GRIK1: variants seen among roughly 807,000 people sequenced by gnomAD.
GRIK1 encodes glutamate ionotropic receptor kainate type subunit 1.
Under a neutral mutation model 105.7 loss-of-function variants are expected in GRIK1, and 69 were observed. The observed-to-expected ratio is 0.65, with a 90% CI of 0.54 to 0.80. GRIK1 has a LOEUF of 0.80. Ranked by LOEUF, GRIK1 falls within the 30% of genes least tolerant of loss-of-function variation. GRIK1 has a pLI of 0.00. For synonymous variants in GRIK1, 438 were observed against 431.3 expected, an observed-to-expected ratio of 1.02 and a Z score of -0.19; for missense variants, 1,109 against 1,167.3, an observed-to-expected ratio of 0.95 and a Z score of 0.73.
chr21:29,610,161 A>G (rs1383995924), intron 7 of GRIK1, among the ~76,000 whole-genome samples: 1 of 152,222 alleles, frequency 6.6e-6, no homozygotes, highest in African/African-American at 2.4e-5. Flanking sequence ...GGGCACTCAG[A>G]GAAATTCACC....
intron 1 of GRIK1, among the ~76,000 whole-genome samples, chr21:29,741,365 T>G (rs766285512): frequency 1.3e-5 from 2 of 152,204 alleles, no homozygotes; most frequent in African/African-American, 4.8e-5. Flanking sequence ...ACATTTTTTT[T>G]GTCACTGCAA....
intron 1 of GRIK1, among the ~76,000 whole-genome samples, chr21:29,769,309 AC>A (rs1412381593): frequency 2.0e-5 from 3 of 152,200 alleles, no homozygotes; most frequent in Non-Finnish European, 4.4e-5. Flanking sequence ...ACATTTTGAC[AC>A]AGAGACAGAC....
At position 29,696,879 on chromosome 21, in the gene GRIK1, C is replaced by T. The variant is rs552028926; in HGVS notation, c.119-2816G>A. Among the ~76,000 whole-genome samples, 13 of 152,300 alleles carry T rather than the reference C, an allele frequency of 8.5e-5. No homozygotes were observed. The South Asian group carries it at 2.5e-3, about 29-fold the overall frequency. On this transcript the variant is annotated intron_variant, in intron 1 of 17. Coordinates refer to ENST00000327783, the MANE Select transcript of GRIK1 (RefSeq NM_001330994.2). ...AAACAGAAATTCTGAATTTTGAAACCTGATCTACCTACTTCCTCTTTGAGA... is the reference window on the plus strand; with the variant it reads ...AAACAGAAATTCTGAATTTTGAAACTTGATCTACCTACTTCCTCTTTGAGA...
intron 1 of GRIK1, among the ~76,000 whole-genome samples, chr21:29,893,496 T>G (rs1003817746): frequency 1.3e-5 from 2 of 152,196 alleles, no homozygotes; most frequent in Non-Finnish European, 2.9e-5. Flanking sequence ...TGTGCCTCAG[T>G]TCCTTCTTTT....
At chr21:29,630,208 C>G (rs529784907) in intron 7 of GRIK1, among the ~76,000 whole-genome samples, 19 of 152,274 alleles carry the variant, frequency 1.2e-4, no homozygotes, top group Admixed American at 3.3e-4. Context: ...AGCCAGGGAT[C>G]TCCATGAAGC....
intron 1 of GRIK1, among the ~76,000 whole-genome samples, chr21:29,913,462 T>C (rs549518095): frequency 1.8e-4 from 27 of 152,118 alleles, no homozygotes; most frequent in Admixed American, 3.9e-4. Context: ...TATCCACGAC[T>C]TTATGCTGTT....
intron 1 of GRIK1, among the ~76,000 whole-genome samples, chr21:29,835,971 G>A (rs1024608523): frequency 1.3e-5 from 2 of 151,006 alleles, no homozygotes; most frequent in African/African-American, 4.8e-5. Flanking sequence ...CTGACTTGAT[G>A]GCAATAGACA....
At chr21:29,809,313 A>T (rs2066946811) in intron 1 of GRIK1, among the ~76,000 whole-genome samples, 1 of 152,202 alleles carries the variant, frequency 6.6e-6, no homozygotes, top group South Asian at 2.1e-4. Context: ...TCGGTTTTCC[A>T]GTCAGTGCCT....
At chr21:29,909,539 G>A (rs190640566) in intron 1 of GRIK1, among the ~76,000 whole-genome samples, 63 of 152,132 alleles carry the variant, frequency 4.1e-4, no homozygotes, top group Middle Eastern at 3.4e-3. Flanking sequence ...ATACTCATGA[G>A]TTTGATATCT....
chr21:29,864,333 C>CCTCTCTCTGTGT (rs202044981), intron 1 of GRIK1, among the ~76,000 whole-genome samples: 1,970 of 151,922 alleles, frequency 0.013, 46 homozygotes, highest in African/African-American at 0.044. Flanking sequence ...GCAGGGAATT[C>CCTCTCTCTGTGT]CTCTCTCTCT....
chr21:29,724,059 T>C (rs1000834936), intron 1 of GRIK1, among the ~76,000 whole-genome samples: 4 of 152,240 alleles, frequency 2.6e-5, no homozygotes, highest in African/African-American at 7.2e-5. Flanking sequence ...CTTTTGGAGA[T>C]GTACATATAT....
At chr21:29,735,816 C>T (rs528502803) in intron 1 of GRIK1, among the ~76,000 whole-genome samples, 71 of 144,360 alleles carry the variant, frequency 4.9e-4, no homozygotes, top group Non-Finnish European at 8.7e-4. Flanking sequence ...CACTGCACTC[C>T]AGCCTGGGCG....
At chr21:29,598,675 ATC>A (rs1212392998) in intron 8 of GRIK1, 153 bp downstream of exon 8, 4 of 526,868 alleles carry the variant, frequency 7.6e-6, no homozygotes, top group Non-Finnish European at 1.3e-5. Flanking sequence ...ATCAACTTCT[ATC>A]TGCAGAAAAA....
intron 1 of GRIK1, among the ~76,000 whole-genome samples, chr21:29,762,947 G>A (rs1045868323): frequency 5.9e-5 from 9 of 152,234 alleles, no homozygotes; most frequent in Non-Finnish European, 1.2e-4. Context: ...ACGATGTAAA[G>A]CCAGATTCTT....
At chr21:29,544,155 A>T (rs2832391) in intron 16 of GRIK1, among the ~76,000 whole-genome samples, 1 of 152,028 alleles carries the variant, frequency 6.6e-6, no homozygotes, top group Non-Finnish European at 1.5e-5. Flanking sequence ...TGAGGGTCAC[A>T]GGGTTACTCC....
chr21:29,859,835 G>C (rs1343134270), intron 1 of GRIK1, among the ~76,000 whole-genome samples: 1 of 152,198 alleles, frequency 6.6e-6, no homozygotes, highest in East Asian at 1.9e-4. Flanking sequence ...CTATCTGGGA[G>C]AGCCCAGGCA....
At chr21:29,601,172 G>T in intron 7 of GRIK1, 1 of 493,306 alleles carries the variant, frequency 2.0e-6, no homozygotes, top group Non-Finnish European at 4.2e-6. Flanking sequence ...TTCATGTAGA[G>T]CCTGAAAAGA....
At chr21:29,567,135 G>A (rs1047519476) in intron 14 of GRIK1, among the ~76,000 whole-genome samples, 5 of 152,096 alleles carry the variant, frequency 3.3e-5, no homozygotes, top group Non-Finnish European at 5.9e-5. Context: ...GTTAGAACCT[G>A]GAAAAAATGT....
At chr21:29,781,599 G>A (rs577813496) in intron 1 of GRIK1, among the ~76,000 whole-genome samples, 39 of 136,890 alleles carry the variant, frequency 2.8e-4, no homozygotes, top group Non-Finnish European at 6.0e-4. Flanking sequence ...ATATCTTTCT[G>A]ATTTTTTTTT....
Sources: allele counts gnomAD v4.1 joint callset (sites outside exome capture counted in the v4.1 genomes callset), GRCh38; gene constraint gnomAD v4.1.1; transcripts MANE v1.5; gene names NCBI Gene and HGNC (gene_info 2026-07-23, HGNC 2026-07-21).